Variants in CEP85L observed in about 807,000 individuals in gnomAD.
The protein encoded by CEP85L is centrosomal protein of 85 kDa-like.
Under a neutral mutation model 100.3 loss-of-function variants are expected in CEP85L, and 60 were observed. The observed-to-expected ratio is 0.60, with a 90% CI of 0.49 to 0.74. The LOEUF (loss-of-function observed/expected upper bound fraction) is 0.74, where lower values mean the gene tolerates loss of function less well. Ranked by LOEUF, CEP85L falls within the 30% of genes least tolerant of loss-of-function variation. The pLI is 0.00. For missense variants in CEP85L, 973 were observed against 936.2 expected (o/e 1.04, Z -0.51); for synonymous variants, 319 against 322.7 (o/e 0.99, Z 0.12).
At chr6:118,579,332 G>T (rs1780429432) in intron 2 of CEP85L, among the ~76,000 whole-genome samples, 1 of 142,790 alleles carries the variant, frequency 7.0e-6, no homozygotes, top group Admixed American at 6.9e-5. Context: ...TTCCAATTTG[G>T]TCAAGGGGTG....
chr6:118,649,657 A>T (rs1775417800), intron 1 of CEP85L, among the ~76,000 whole-genome samples: 1 of 152,222 alleles, frequency 6.6e-6, no homozygotes, highest in Non-Finnish European at 1.5e-5. Context: ...GAAGTTACTT[A>T]GATGACAGGA....
chr6:118,569,454 G>C (rs149230218), intron 2 of CEP85L, among the ~76,000 whole-genome samples: 19 of 144,590 alleles, frequency 1.3e-4, no homozygotes, highest in Non-Finnish European at 2.3e-4. Context: ...AGAACTTAAA[G>C]TATAATAAAA....
At chr6:118,571,616 CCTT>C (rs962738865) in intron 2 of CEP85L, among the ~76,000 whole-genome samples, 34 of 152,084 alleles carry the variant, frequency 2.2e-4, no homozygotes, top group African/African-American at 8.0e-4. Flanking sequence ...TCTGCTCTAT[CCTT>C]CTGATAGTAA....
intron 2 of CEP85L, among the ~76,000 whole-genome samples, chr6:118,611,972 C>T (rs984025156): frequency 6.6e-6 from 1 of 152,148 alleles, no homozygotes; most frequent in Non-Finnish European, 1.5e-5. Context: ...ATACAGAACT[C>T]AACATAAACA....
intron 3 of CEP85L, among the ~76,000 whole-genome samples, chr6:118,543,383 T>G (rs1280755955): frequency 1.3e-5 from 2 of 152,150 alleles, no homozygotes; most frequent in African/African-American, 4.8e-5. Context: ...AAATATCCAT[T>G]AAGTATAAAA....
chr6:118,491,541 T>G, intron 6 of CEP85L, 145 bp downstream of exon 6: 4 of 1,419,332 alleles, frequency 2.8e-6, no homozygotes, highest in Non-Finnish European at 1.8e-6. Flanking sequence ...AGCAGAGGGC[T>G]TCTCAAAAGT....
chr6:118,474,120 TATTATA>T (rs1773174387), intron 10 of CEP85L, among the ~76,000 whole-genome samples: 1 of 152,120 alleles, frequency 6.6e-6, no homozygotes, highest in Non-Finnish European at 1.5e-5. Flanking sequence ...AATTGGTGAA[TATTATA>T]ATTAAAAATT....
At chr6:118,553,182 G>A (rs9489437) in intron 3 of CEP85L, among the ~76,000 whole-genome samples, 8 of 148,400 alleles carry the variant, frequency 5.4e-5, no homozygotes, top group Non-Finnish European at 8.9e-5. Context: ...CATCGAAAAA[G>A]TACTCTATTA....
At chr6:118,594,458 A>G (rs1781357316) in intron 2 of CEP85L, among the ~76,000 whole-genome samples, 1 of 152,238 alleles carries the variant, frequency 6.6e-6, no homozygotes, top group South Asian at 2.1e-4. Flanking sequence ...AATTATCTCT[A>G]ATACAAATTA....
intron 1 of CEP85L, among the ~76,000 whole-genome samples, chr6:118,644,097 C>A (rs557610442): frequency 6.6e-6 from 1 of 152,322 alleles, no homozygotes; most frequent in East Asian, 1.9e-4. Context: ...ATTAGATAAT[C>A]TCTAATTTCT....
At chr6:118,638,098 T>C (rs1277323678) in intron 1 of CEP85L, among the ~76,000 whole-genome samples, 16 of 151,782 alleles carry the variant, frequency 1.1e-4, no homozygotes, top group Admixed American at 1.1e-3. Context: ...TTAGGCAATA[T>C]ACATCATGTG....
At chr6:118,683,427 A>C (rs1776731651) in intron 1 of CEP85L, among the ~76,000 whole-genome samples, 1 of 152,138 alleles carries the variant, frequency 6.6e-6, no homozygotes, top group Non-Finnish European at 1.5e-5. Context: ...TTTGCTTTTT[A>C]TTGGCTGCAT....
chr6:118,484,568 C>T (rs1414089536), intron 6 of CEP85L, among the ~76,000 whole-genome samples: 2 of 152,096 alleles, frequency 1.3e-5, no homozygotes, highest in Non-Finnish European at 2.9e-5. Context: ...GTCTAAAATG[C>T]CTAAACAATG....
intron 1 of CEP85L, among the ~76,000 whole-genome samples, chr6:118,658,620 C>T (rs1775873757): frequency 6.6e-6 from 1 of 151,880 alleles, no homozygotes; most frequent in African/African-American, 2.4e-5. Context: ...AATAAATAAA[C>T]TTTTAAAAGA....
intron 3 of CEP85L, among the ~76,000 whole-genome samples, chr6:118,552,841 A>G (rs1454561644): frequency 1.3e-5 from 2 of 152,084 alleles, no homozygotes; most frequent in African/African-American, 4.8e-5. Context: ...TGCCTCTGAC[A>G]TGTAACTCAA....
chr6:118,530,744 C>G (rs761928489), intron 3 of CEP85L, among the ~76,000 whole-genome samples: 11 of 151,876 alleles, frequency 7.2e-5, no homozygotes, highest in Non-Finnish European at 1.3e-4. Context: ...AGAACACAGT[C>G]CCATTGACAA....
At chr6:118,482,710 T>C (rs1242502245) in intron 7 of CEP85L, among the ~76,000 whole-genome samples, 1 of 152,200 alleles carries the variant, frequency 6.6e-6, no homozygotes, top group Non-Finnish European at 1.5e-5. Flanking sequence ...CCCCAGTGGA[T>C]GTTAGGTATT....
In CEP85L at chr6:118,623,023, A is replaced by G. The variant is rs146457719; in HGVS notation, c.232+9430T>C. Among the ~76,000 whole-genome samples, 81 of 152,298 alleles carry G rather than the reference A, an allele frequency of 5.3e-4. No individual in the cohort carries two copies. The East Asian group carries it at 5.8e-3, about 11-fold the overall frequency. On this transcript the variant is annotated intron_variant, in intron 2 of 12. Transcript: ENST00000368491. ...TTTTCTCCCCTCAGGGTGGTTAGCGACAGAAGAGGGAAAGGTGCTCATACC... is the reference window on the plus strand; with the variant it reads ...TTTTCTCCCCTCAGGGTGGTTAGCGGCAGAAGAGGGAAAGGTGCTCATACC...
chr6:118,651,211 C>A lies in CEP85L; in HGVS notation c.59G>T (p.Arg20Leu). 6.7e-7 allele frequency: 1 copy of A among 1,495,256 alleles called. No individual in the cohort carries two copies. Among genetic ancestry groups the A allele is most frequent in the Non-Finnish European group, 8.9e-7 (1 of 1,128,996 alleles). The allele number at this position is 1,495,256 out of a possible 1,614,324, so 92.6% of individuals were successfully genotyped here. A position where few individuals can be genotyped will look rare whatever the true frequency, so the allele number is the denominator to read the frequency against. ...ASGRDSPGGA[R>L]SFPAGPDYSS... ...CCGTTCCTTACCGGCAGGGAAGCTG[C>A]GGGCTCCGCCGGGGCTATCCCGGCC... Residue 20 changes from arginine to leucine, a missense_variant, in exon 1 of 13, where the codon CGC becomes CTC. Physicochemically the swap from Arg to Leu is moderately radical, Grantham distance 102. Around this residue, in one of 3 missense-constraint regions of CEP85L, gnomAD observed 79 missense variants for 73.3 expected, o/e 1.08. Coordinates refer to ENST00000368491, the MANE Select transcript of CEP85L (RefSeq NM_001042475.3).
Sources: allele counts gnomAD v4.1 joint callset (sites outside exome capture counted in the v4.1 genomes callset), GRCh38; gene constraint gnomAD v4.1.1; regional missense constraint gnomAD v4.1.1; transcripts MANE v1.5; gene names NCBI Gene and HGNC (gene_info 2026-07-23, HGNC 2026-07-21).